Variants in PRKG1 observed in about 807,000 individuals in gnomAD.
The protein encoded by PRKG1 is cGMP-dependent protein kinase 1.
A neutral mutation model predicts 88.1 loss-of-function variants in PRKG1; 35 were observed. That is an observed-to-expected ratio of 0.40 (90% CI 0.30 to 0.53). The LOEUF is 0.53. Ranked by LOEUF, PRKG1 falls within the 20% of genes least tolerant of loss-of-function variation. The probability of loss-of-function intolerance (pLI) is 0.59; values close to 1 mark genes in which losing one functional copy is unlikely to be tolerated. For synonymous variants in PRKG1, 303 were observed against 292.5 expected (o/e 1.04, Z -0.37); for missense variants, 540 against 839.8 (o/e 0.64, Z 4.41).
chr10:51,319,349 T>A (rs865854341), intron 2 of PRKG1, among the ~76,000 whole-genome samples: 1 of 151,972 alleles, frequency 6.6e-6, no homozygotes, highest in Non-Finnish European at 1.5e-5. Flanking sequence ...ATTTTATAGA[T>A]CCCTAGAAGA....
At chr10:51,104,453 C>G (rs190259538) in intron 1 of PRKG1, among the ~76,000 whole-genome samples, 1 of 152,104 alleles carries the variant, frequency 6.6e-6, no homozygotes, top group Admixed American at 6.6e-5. Flanking sequence ...GATGTAAGTA[C>G]GTTAAGACAC....
intron 3 of PRKG1, among the ~76,000 whole-genome samples, chr10:51,564,752 C>T (rs557783525): frequency 5.9e-5 from 9 of 152,152 alleles, no homozygotes; most frequent in East Asian, 1.9e-4. Context: ...CAGTTTGCTT[C>T]GTATGTAGGA....
intron 9 of PRKG1, among the ~76,000 whole-genome samples, chr10:52,186,638 T>C (rs1839208595): frequency 6.6e-6 from 1 of 152,058 alleles, no homozygotes; most frequent in African/African-American, 2.4e-5. Context: ...ATCACTGGCC[T>C]CTACCTACTA....
intron 2 of PRKG1, among the ~76,000 whole-genome samples, chr10:51,462,337 C>T (rs898144127): frequency 1.8e-4 from 28 of 152,124 alleles, no homozygotes; most frequent in Middle Eastern, 3.2e-3. Context: ...AATCTCTAAG[C>T]TGATTCTACT....
At chr10:52,164,418 T>C (rs988108090) in intron 9 of PRKG1, among the ~76,000 whole-genome samples, 1 of 152,006 alleles carries the variant, frequency 6.6e-6, no homozygotes, top group African/African-American at 2.4e-5. Context: ...TAACTAGAAA[T>C]ATACCTTAGT....
chr10:51,190,879 G>C (rs754416661), intron 2 of PRKG1, among the ~76,000 whole-genome samples: 3 of 151,786 alleles, frequency 2.0e-5, no homozygotes, highest in Non-Finnish European at 2.9e-5. Flanking sequence ...AAGAAGAAAT[G>C]AAACAAAGGG....
chr10:51,632,458 T>C lies in PRKG1; in HGVS notation c.592+164622T>C, dbSNP rs146972706. On this transcript the variant is annotated intron_variant, in intron 3 of 17. Coordinates refer to ENST00000373980, the MANE Select transcript of PRKG1 (RefSeq NM_006258.4). ...ATGAGCTTGTGCACGTGCACACCCA[T>C]CGCAGTCAAGTACAGATAGCTTTAG... 1.5e-3 allele frequency among the ~76,000 whole-genome samples: 232 copies of C among 152,336 alleles called. 1 individual carries two copies. The highest frequency in any genetic ancestry group is 6.8e-3 in the Middle Eastern group (2 of 294).
At chr10:52,193,834 G>A (rs531121880) in intron 9 of PRKG1, among the ~76,000 whole-genome samples, 2 of 152,228 alleles carry the variant, frequency 1.3e-5, no homozygotes, top group Admixed American at 1.3e-4. Flanking sequence ...AAAATTGGTT[G>A]CTTTTTTAAA....
chr10:51,403,028 A>G (rs1451569692), intron 2 of PRKG1, among the ~76,000 whole-genome samples: 2 of 152,196 alleles, frequency 1.3e-5, no homozygotes, highest in African/African-American at 4.8e-5. Context: ...ACATTTTAGA[A>G]CATTGGAAGA....
At chr10:51,755,576 A>T (rs1837838820) in intron 3 of PRKG1, among the ~76,000 whole-genome samples, 1 of 152,334 alleles carries the variant, frequency 6.6e-6, no homozygotes, top group East Asian at 1.9e-4. Context: ...AGCTGATTAG[A>T]TTTATACTTA....
chr10:51,889,068 T>TC (rs2132900467), intron 4 of PRKG1, among the ~76,000 whole-genome samples: 2 of 151,836 alleles, frequency 1.3e-5, no homozygotes, highest in East Asian at 3.9e-4. Flanking sequence ...TTCTTTTTTT[T>TC]TTTTTTAATA....
intron 10 of PRKG1, among the ~76,000 whole-genome samples, chr10:52,258,672 G>T (rs1484975039): frequency 6.6e-6 from 1 of 151,870 alleles, no homozygotes; most frequent in East Asian, 1.9e-4. Context: ...AATATTTGTG[G>T]GATATAAAAA....
chr10:51,630,864 G>T (rs1839508171), intron 3 of PRKG1, among the ~76,000 whole-genome samples: 1 of 152,190 alleles, frequency 6.6e-6, no homozygotes, highest in Non-Finnish European at 1.5e-5. Context: ...TCAGCGCTGT[G>T]GTTAGCCACT....
At chr10:51,585,958 A>T (rs1417082618) in intron 3 of PRKG1, among the ~76,000 whole-genome samples, 2 of 152,098 alleles carry the variant, frequency 1.3e-5, no homozygotes, top group Admixed American at 1.3e-4. Context: ...AGAACGCTAG[A>T]CACTGGGGAC....
chr10:52,220,658 A>G (rs1402658814), intron 9 of PRKG1, among the ~76,000 whole-genome samples: 1 of 152,096 alleles, frequency 6.6e-6, no homozygotes, highest in African/African-American at 2.4e-5. Flanking sequence ...TATAAGTGAG[A>G]ACATGCAGTA....
chr10:51,679,724 G>GTTT (rs767932532), intron 3 of PRKG1, among the ~76,000 whole-genome samples: 17 of 117,310 alleles, frequency 1.4e-4, no homozygotes, highest in Non-Finnish European at 2.2e-4. Flanking sequence ...TTTTTTTAAT[G>GTTT]TTTTTTTTTT....
chr10:51,658,350 T>A (rs893489771), intron 3 of PRKG1, among the ~76,000 whole-genome samples: 1 of 152,078 alleles, frequency 6.6e-6, no homozygotes, highest in South Asian at 2.1e-4. Context: ...AAAATACTCC[T>A]TTCTCTCCAG....
chr10:51,975,275 C>T (rs981869337), intron 5 of PRKG1, among the ~76,000 whole-genome samples: 1 of 151,996 alleles, frequency 6.6e-6, no homozygotes, highest in Non-Finnish European at 1.5e-5. Flanking sequence ...CTGAGTCTCT[C>T]GTGTAGACCA....
chr10:51,339,603 C>A lies in PRKG1; in HGVS notation c.479-128120C>A, dbSNP rs547179712. ...AACATTTTGTATACATTATTTCAAT[C>A]TTTGTTCTATATTTATATATATTTA... On this transcript the variant is annotated intron_variant, in intron 2 of 17. Transcript: ENST00000373980. 8.9e-4 allele frequency among the ~76,000 whole-genome samples: 135 copies of A among 151,664 alleles called. 1 individual carries two copies. The highest frequency in any genetic ancestry group is 3.2e-3 in the African/African-American group (133 of 41,438).
Sources: allele counts gnomAD v4.1 joint callset (sites outside exome capture counted in the v4.1 genomes callset), GRCh38; gene constraint gnomAD v4.1.1; transcripts MANE v1.5; gene names NCBI Gene and HGNC (gene_info 2026-07-23, HGNC 2026-07-21).